Variants in RALGAPA1 observed in about 807,000 individuals in gnomAD.
The protein encoded by RALGAPA1 is ral GTPase-activating protein subunit alpha-1.
A neutral mutation model predicts 269.6 loss-of-function variants in RALGAPA1; 52 were observed. That is an observed-to-expected ratio of 0.19 (90% confidence interval 0.15 to 0.24). The LOEUF is 0.24. Among genes scored for constraint, RALGAPA1 ranks in the 10% least tolerant of loss-of-function variants. The probability of loss-of-function intolerance (pLI) is 1.00; values close to 1 mark genes in which losing one functional copy is unlikely to be tolerated. For synonymous variants in RALGAPA1, 817 were observed against 1,008.3 expected (o/e 0.81, Z 3.60); for missense variants, 1,917 against 3,013.9 (o/e 0.64, Z 8.52).
intron 27 of RALGAPA1, among the ~76,000 whole-genome samples, chr14:35,661,146 A>C (rs2063515116): frequency 6.6e-6 from 1 of 152,126 alleles, no homozygotes; most frequent in Non-Finnish European, 1.5e-5. Context: ...TCTCACCAAA[A>C]AAAGATAGCC....
intron 1 of RALGAPA1, among the ~76,000 whole-genome samples, chr14:35,808,319 A>G (rs2077518678): frequency 6.6e-6 from 1 of 152,130 alleles, no homozygotes; most frequent in Admixed American, 6.5e-5. Flanking sequence ...TCATCTGCCA[A>G]GAAACTTGAA....
At chr14:35,673,649 C>A (rs1413607353) in intron 24 of RALGAPA1, among the ~76,000 whole-genome samples, 1 of 152,156 alleles carries the variant, frequency 6.6e-6, no homozygotes, top group African/African-American at 2.4e-5. Flanking sequence ...GGCGCCATCT[C>A]AGCTCACTGC....
intron 17 of RALGAPA1, among the ~76,000 whole-genome samples, chr14:35,694,810 C>G (rs7157012): frequency 0.04 from 6,137 of 152,162 alleles, 357 homozygotes; most frequent in African/African-American, 0.12. Flanking sequence ...GGCGCAATGG[C>G]TCACACTTAT....
At chr14:35,559,416 TGTA>T (rs1305306073) in intron 39 of RALGAPA1, among the ~76,000 whole-genome samples, 1 of 152,114 alleles carries the variant, frequency 6.6e-6, no homozygotes, top group Non-Finnish European at 1.5e-5. Flanking sequence ...TTGTACATTA[TGTA>T]GTAGGTGTGG....
intron 37 of RALGAPA1, among the ~76,000 whole-genome samples, chr14:35,592,702 A>G (rs1169164066): frequency 6.6e-6 from 1 of 152,194 alleles, no homozygotes. Flanking sequence ...TTTAACACAC[A>G]CAAATCAATT....
intron 39 of RALGAPA1, among the ~76,000 whole-genome samples, chr14:35,560,868 G>A (rs1480941066): frequency 1.3e-5 from 2 of 152,066 alleles, no homozygotes; most frequent in Admixed American, 1.3e-4. Flanking sequence ...CACATTTATT[G>A]CTTTTTGAAA....
At chr14:35,639,038 G>T (rs759737293) in intron 31 of RALGAPA1, among the ~76,000 whole-genome samples, 2 of 151,932 alleles carry the variant, frequency 1.3e-5, no homozygotes, top group African/African-American at 4.8e-5. Flanking sequence ...AAAACCCAAC[G>T]ATCTGTTGCC....
Position 35,577,398 on chromosome 14 carries a change from G to A in RALGAPA1, c.7210-4680C>T, listed in dbSNP as rs182297226. 2.4e-4 allele frequency among the ~76,000 whole-genome samples: 37 copies of A among 152,176 alleles called. 1 individual carries two copies. The highest frequency in any genetic ancestry group is 8.9e-4 in the African/African-American group (37 of 41,504). ...AAGGGATTAATGTCCTTATAAAAGA[G>A]ACCCCAGAGAGCTTACTTGACTCTT... On this transcript the variant is annotated intron_variant, in intron 37 of 41. Coordinates refer to ENST00000680220, the MANE Select transcript of RALGAPA1 (RefSeq NM_001346249.2).
chr14:35,616,986 G>A (rs2060290993), intron 35 of RALGAPA1, among the ~76,000 whole-genome samples: 1 of 151,990 alleles, frequency 6.6e-6, no homozygotes, highest in African/African-American at 2.4e-5. Context: ...TAACCGTCTT[G>A]GAAAGAATAA....
Position 35,683,827 on chromosome 14 carries a change from C to T in RALGAPA1, c.4453G>A (p.Glu1485Lys), listed in dbSNP as rs2065676512. 1 of 1,599,448 alleles carries T rather than the reference C, an allele frequency of 6.3e-7. No homozygotes were observed. Among genetic ancestry groups the T allele is most frequent in the Non-Finnish European group, 8.5e-7 (1 of 1,170,564 alleles). The stretch of plus-strand genomic sequence containing the variant: ...ACTTTACCAGTAATAGTTGCAACTT[C>T]AGCAGAGAAAGCTTGCTGATTAAGA... Reference protein sequence around the residue: ...SSLNQQAFSAEVATITGSESA... With the variant: ...SSLNQQAFSAKVATITGSESA... Residue 1485 changes from glutamate to lysine, a missense_variant, in exon 21 of 42, where the codon GAA becomes AAA. Coordinates refer to ENST00000680220, the MANE Select transcript of RALGAPA1 (RefSeq NM_001346249.2).
intron 1 of RALGAPA1, among the ~76,000 whole-genome samples, chr14:35,799,202 A>G (rs1388463534): frequency 6.6e-6 from 1 of 152,168 alleles, no homozygotes; most frequent in Non-Finnish European, 1.5e-5. Context: ...AATTCTTACA[A>G]GGTTCTTATA....
intron 22 of RALGAPA1, among the ~76,000 whole-genome samples, chr14:35,674,989 A>G (rs2064822687): frequency 6.6e-6 from 1 of 152,162 alleles, no homozygotes; most frequent in Non-Finnish European, 1.5e-5. Context: ...ATGCAGATAG[A>G]GAAATCTGTT....
At chr14:35,643,374 G>A (rs1375765415) in intron 31 of RALGAPA1, among the ~76,000 whole-genome samples, 1 of 152,012 alleles carries the variant, frequency 6.6e-6, no homozygotes, top group Non-Finnish European at 1.5e-5. Flanking sequence ...TTATCCAAAA[G>A]ACAGGCAATA....
Position 35,570,760 on chromosome 14 carries a change from G to A in RALGAPA1, c.7369-16C>T, listed in dbSNP as rs1220841500. The A allele has an allele frequency of 6.4e-7, 1 of 1,571,392 alleles. No individual in the cohort carries two copies. The highest frequency in any genetic ancestry group is 2.0e-5 in the Admixed American group (1 of 50,940). On this transcript the variant is annotated splice_polypyrimidine_tract_variant and intron_variant, in intron 38 of 41. Transcript: ENST00000680220. The stretch of plus-strand genomic sequence containing the variant: ...AGAAGGGAACCTGATTGAGAAATCA[G>A]AACATAATTTTACATTCAAATTACA...
At chr14:35,650,808 C>T (rs1168568673) in intron 31 of RALGAPA1, among the ~76,000 whole-genome samples, 1 of 152,020 alleles carries the variant, frequency 6.6e-6, no homozygotes, top group East Asian at 1.9e-4. Flanking sequence ...GAATAATTCT[C>T]AGAGGAAACT....
At chr14:35,740,301 C>T (rs544362011) in intron 11 of RALGAPA1, among the ~76,000 whole-genome samples, 9 of 152,184 alleles carry the variant, frequency 5.9e-5, no homozygotes, top group Non-Finnish European at 1.3e-4. Context: ...CACTTGTTCT[C>T]AATGTGGGCA....
At chr14:35,670,346 T>A (rs1170013918) in intron 26 of RALGAPA1, among the ~76,000 whole-genome samples, 3 of 152,200 alleles carry the variant, frequency 2.0e-5, no homozygotes, top group Admixed American at 6.6e-5. Context: ...ACAAAAACTC[T>A]TAGTTTTTTA....
chr14:35,771,253 G>A (rs1257720637), intron 3 of RALGAPA1, among the ~76,000 whole-genome samples: 1 of 152,058 alleles, frequency 6.6e-6, no homozygotes, highest in Non-Finnish European at 1.5e-5. Context: ...AATTAGCCAA[G>A]TGTGGTGGCA....
intron 1 of RALGAPA1, among the ~76,000 whole-genome samples, chr14:35,780,518 T>C (rs544600864): frequency 2.6e-5 from 4 of 152,340 alleles, no homozygotes; most frequent in Non-Finnish European, 5.9e-5. Flanking sequence ...CAAAGTATGT[T>C]ATCTGGCCAC....
Sources: allele counts gnomAD v4.1 joint callset (sites outside exome capture counted in the v4.1 genomes callset), GRCh38; gene constraint gnomAD v4.1.1; transcripts MANE v1.5; gene names NCBI Gene and HGNC (gene_info 2026-07-23, HGNC 2026-07-21).